Variants in MRPS11 observed in about 807,000 individuals in gnomAD.
MRPS11 encodes small ribosomal subunit protein uS11m.
Under a neutral mutation model 24.3 loss-of-function variants are expected in MRPS11, and 27 were observed. The observed-to-expected ratio is 1.11, with a 90% CI of 0.82 to 1.53. The LOEUF is 1.53. Among genes scored for constraint, MRPS11 ranks in the 40% most tolerant of loss-of-function variants. The probability of loss-of-function intolerance (pLI) is 0.00; values close to 1 mark genes in which losing one functional copy is unlikely to be tolerated. For missense variants in MRPS11, 277 were observed against 256.5 expected (o/e 1.08, Z -0.55); for synonymous variants, 104 against 98.7 (o/e 1.05, Z -0.32).
intron 4 of MRPS11, among the ~76,000 whole-genome samples, chr15:88,476,394 C>G (rs544697751): frequency 3.8e-4 from 58 of 152,290 alleles, no homozygotes; most frequent in African/African-American, 1.4e-3. Flanking sequence ...GACCTTCAAA[C>G]AAGGGAAGGC....
At chr15:88,472,599 T>G (rs888746116) in intron 2 of MRPS11, 28 bp from the exon 3 acceptor site, 2 of 1,576,336 alleles carry the variant, frequency 1.3e-6, no homozygotes, top group Non-Finnish European at 1.7e-6. Flanking sequence ...CGAGACAATT[T>G]TAAATAAAAT....
intron 3 of MRPS11, 170 bp from the exon 4 acceptor site, chr15:88,474,940 T>C: frequency 1.4e-6 from 1 of 729,996 alleles, no homozygotes; most frequent in Non-Finnish European, 2.1e-6. Context: ...AATTCTGACC[T>C]TTCCTGATAC....
At position 88,477,460 on chromosome 15, in the gene MRPS11, G is replaced by A. The variant is rs1000984358; in HGVS notation, c.477+406G>A. ...GATAATCTTTAGCTTCTTCAAAGAG[G>A]TGACATCTCTCTGACTTTGCAGGAA... is the stretch of plus-strand genomic sequence containing the variant. On this transcript the variant is annotated intron_variant, in intron 5 of 5. Transcript: ENST00000325844. The surrounding 1 kb of genome is among the most constrained non-coding windows in gnomAD (Gnocchi z 5.7). Among the ~76,000 whole-genome samples, 1 of 152,206 alleles carries A rather than the reference G, an allele frequency of 6.6e-6. No homozygotes were observed. Among genetic ancestry groups the A allele is most frequent in the East Asian group, 1.9e-4 (1 of 5,188 alleles).
At position 88,468,020 on chromosome 15, in the gene MRPS11, T is replaced by G. The variant is rs1405671286; in HGVS notation, c.178T>G (p.Phe60Val). The G allele has an allele frequency of 1.2e-6, 2 of 1,601,952 alleles. No homozygotes were observed. Among genetic ancestry groups the G allele is most frequent in the Non-Finnish European group, 1.7e-6 (2 of 1,174,280 alleles). ...GAACGCGGCTCCCAGCCACACCAAGTTCAGGTGAGCCCCACTTGGACCAGC... is the reference window on the plus strand; with the variant it reads ...GAACGCGGCTCCCAGCCACACCAAGGTCAGGTGAGCCCCACTTGGACCAGC... ...EQNAAPSHTK[F>V]SIYPPIPGEE... The change falls in exon 2 of 6, where the codon TTC (phenylalanine) becomes GTC (valine). Residue 60 changes from phenylalanine (F) to valine (V), a missense_variant. Physicochemically the swap from Phe to Val is conservative, Grantham distance 50. Coordinates refer to ENST00000325844, the MANE Select transcript of MRPS11 (RefSeq NM_022839.5).
chr15:88,471,122 G>A (rs2055691863), intron 2 of MRPS11, among the ~76,000 whole-genome samples: 1 of 152,174 alleles, frequency 6.6e-6, no homozygotes, highest in Non-Finnish European at 1.5e-5. Context: ...CCCTGTGGAG[G>A]TCATCCGCTC....
At chr15:88,476,751 T>C (rs1448182434) in intron 4 of MRPS11, 5 of 433,314 alleles carry the variant, frequency 1.2e-5, no homozygotes, top group Non-Finnish European at 2.1e-5. Context: ...TTCCATTAGG[T>C]GGCGGTGCTG....
chr15:88,467,918 G>T lies in MRPS11; in HGVS notation c.76G>T (p.Ala26Ser). The T allele has an allele frequency of 6.2e-7, 1 of 1,613,672 alleles. No individual in the cohort carries two copies. The highest frequency in any genetic ancestry group is 8.5e-7 in the Non-Finnish European group (1 of 1,179,992). ...AGCTTTTCTTCCCAGCAGGGTCGTG[G>T]CCAGAACGCCGGCCGGGACCATCTG... ...TWPQTAGRVV[A>S]RTPAGTICTG... is the part of the protein sequence containing the mutation. Residue 26 changes from alanine (A) to serine (S), a missense_variant, in exon 2 of 6, where the codon GCC becomes TCC. By Grantham distance (99) the Ala-to-Ser change is moderately conservative. Transcript: ENST00000325844.
rs993643348 is a variant in MRPS11 at position 88,468,348 on chromosome 15, C to T, written c.182+324C>T. The T allele has an allele frequency of 6.2e-6, 7 of 1,130,310 alleles. No homozygotes were observed. The African/African-American group carries it at 1.1e-4, about 18-fold the overall frequency. The allele number at this position is 1,130,310 out of a possible 1,614,324, so 70.0% of individuals were successfully genotyped here. On this transcript the variant is annotated intron_variant, in intron 2 of 5. Coordinates refer to ENST00000325844, the MANE Select transcript of MRPS11 (RefSeq NM_022839.5). The stretch of plus-strand genomic sequence containing the variant: ...TTTTCAGACCAATAACCTTCCCTGC[C>T]TCCAAAACAAAATGGGGAGGTAGAG...
intron 4 of MRPS11, 140 bp from the exon 5 acceptor site, chr15:88,476,849 A>G: frequency 1.3e-6 from 1 of 757,652 alleles, no homozygotes; most frequent in Non-Finnish European, 2.2e-6. Flanking sequence ...CACTATAGCC[A>G]TCTGCCCTTT....
In MRPS11 at chr15:88,475,002, A is replaced by G. The variant is rs1288875067; in HGVS notation, c.282-108A>G. On this transcript the variant is annotated intron_variant, in intron 3 of 5. Coordinates refer to ENST00000325844, the MANE Select transcript of MRPS11 (RefSeq NM_022839.5). This position sits in a 1 kb window ranked among gnomAD's most constrained non-coding sequence, Gnocchi z 4.1. The stretch of plus-strand genomic sequence containing the variant: ...ATCTGAGAAGCTCAAAGTAGAAGCA[A>G]CTGAATTCCTTTTTCTTTCTCACCC... The G allele has an allele frequency of 7.6e-7, 1 of 1,311,044 alleles. No individual in the cohort carries two copies. Among genetic ancestry groups the G allele is most frequent in the South Asian group, 1.5e-5 (1 of 67,188 alleles). The allele number at this position is 1,311,044 out of a possible 1,614,324, so 81.2% of individuals were successfully genotyped here.
chr15:88,468,225 G>C, intron 2 of MRPS11: 1 of 1,419,404 alleles, frequency 7.0e-7, no homozygotes, highest in African/African-American at 1.4e-5. Context: ...ATGAGCCGTG[G>C]TACAGAGTAA....
chr15:88,468,130 C>G (rs1362988595), intron 2 of MRPS11, 106 bp downstream of exon 2: 3 of 1,486,414 alleles, frequency 2.0e-6, no homozygotes, highest in Non-Finnish European at 2.7e-6. Context: ...CACTTGCTAT[C>G]CGTGGGACCT....
Position 88,479,905 on chromosome 15 carries a change from C to G in MRPS11, c.*1926C>G, listed in dbSNP as rs1252227154. 2 of 152,234 alleles carry G rather than the reference C, an allele frequency of 1.3e-5. No individual in the cohort carries two copies. Among genetic ancestry groups the G allele is most frequent in the African/African-American group, 4.8e-5 (2 of 41,452 alleles). The allele number at this position is 152,234 out of a possible 1,614,324, so 9.4% of individuals were successfully genotyped here. A position where few individuals can be genotyped will look rare whatever the true frequency, so the allele number is the denominator to read the frequency against. The stretch of plus-strand genomic sequence containing the variant: ...AGAAGGTGGACTACAAAGCAGCTGC[C>G]ACCCTAGGCTAGAAGAGGCAGGGAA... On this transcript the variant is annotated 3_prime_UTR_variant, in exon 6 of 6. Transcript: ENST00000325844.
chr15:88,470,688 A>AG (rs1412004901), intron 2 of MRPS11, among the ~76,000 whole-genome samples: 1 of 152,202 alleles, frequency 6.6e-6, no homozygotes, highest in Non-Finnish European at 1.5e-5. Context: ...ATGTGGAGTT[A>AG]GTTGGATTAA....
chr15:88,476,977 G>A lies in MRPS11; in HGVS notation c.412-12G>A, dbSNP rs2055835007. The A allele has an allele frequency of 6.2e-7, 1 of 1,611,852 alleles. No homozygotes were observed. Among genetic ancestry groups the A allele is most frequent in the Non-Finnish European group, 8.5e-7 (1 of 1,179,694 alleles). On this transcript the variant is annotated splice_polypyrimidine_tract_variant and intron_variant, in intron 4 of 5. Coordinates refer to ENST00000325844, the MANE Select transcript of MRPS11 (RefSeq NM_022839.5). ...CTCTCTCCGGGGCACTAACCACTCT[G>A]CTTCTCTCCAGAGAGCTAAACAAAA...
chr15:88,476,151 G>C (rs1419296886), intron 4 of MRPS11, among the ~76,000 whole-genome samples: 1 of 152,172 alleles, frequency 6.6e-6, no homozygotes, highest in Non-Finnish European at 1.5e-5. Flanking sequence ...ACATGTGCCA[G>C]ACACTTTACA....
At chr15:88,468,137 A>T in intron 2 of MRPS11, 113 bp downstream of exon 2, 2 of 1,474,554 alleles carry the variant, frequency 1.4e-6, no homozygotes, top group Non-Finnish European at 1.8e-6. Flanking sequence ...TATCCGTGGG[A>T]CCTTATGCAA....
chr15:88,472,934 G>T (rs944346873), intron 3 of MRPS11, among the ~76,000 whole-genome samples: 38 of 152,188 alleles, frequency 2.5e-4, no homozygotes, highest in African/African-American at 8.0e-4. Context: ...AATAGGGTGG[G>T]CATATCCTAG....
At chr15:88,471,678 C>A (rs1389200603) in intron 2 of MRPS11, among the ~76,000 whole-genome samples, 2 of 152,156 alleles carry the variant, frequency 1.3e-5, no homozygotes, top group African/African-American at 2.4e-5. Flanking sequence ...TTAAGGATTT[C>A]TTAAGGCATT....
Sources: gnomAD v4.1 joint callset for allele counts (sites outside exome capture counted in the v4.1 genomes callset) on GRCh38, gnomAD v4.1.1 for gene constraint, Gnocchi (gnomAD v3.1) non-coding constraint, MANE v1.5 for transcripts, NCBI Gene and HGNC (gene_info 2026-07-23, HGNC 2026-07-21) for gene names.